Variants in CTSC observed in about 807,000 individuals in gnomAD.
The protein encoded by CTSC is dipeptidyl peptidase 1.
CTSC carries 37 observed loss-of-function variants against 40.9 expected under a neutral mutation model. The ratio of observed to expected loss-of-function variants is 0.91; its 90% CI spans 0.70 to 1.19. CTSC has a LOEUF of 1.19. Ranked by LOEUF, CTSC falls within the 50% of genes most tolerant of loss-of-function variation. CTSC has a pLI of 0.00. For synonymous variants in CTSC, 232 were observed against 207.4 expected (o/e 1.12, Z -1.02); for missense variants, 594 against 567.3 (o/e 1.05, Z -0.48).
At chr11:88,332,194 G>GT (rs1346262870) in intron 2 of CTSC, among the ~76,000 whole-genome samples, 6 of 152,198 alleles carry the variant, frequency 3.9e-5, no homozygotes, top group Non-Finnish European at 8.8e-5. Context: ...AGTAGGTTGA[G>GT]TATGTTTTCG....
intron 4 of CTSC, among the ~76,000 whole-genome samples, chr11:88,303,002 GA>G (rs924729130): frequency 2.6e-5 from 4 of 152,050 alleles, no homozygotes; most frequent in African/African-American, 9.7e-5. Flanking sequence ...TAGGGTGAGA[GA>G]AAAAACAAAG....
intron 4 of CTSC, among the ~76,000 whole-genome samples, chr11:88,303,394 C>T (rs754630608): frequency 1.8e-4 from 28 of 152,340 alleles, no homozygotes; most frequent in Non-Finnish European, 4.1e-4. Flanking sequence ...ACCTGTGCTT[C>T]TGGCCAACCA....
intron 4 of CTSC, among the ~76,000 whole-genome samples, chr11:88,302,161 G>T (rs1314247820): frequency 6.6e-6 from 1 of 152,044 alleles, no homozygotes; most frequent in Non-Finnish European, 1.5e-5. Context: ...ATTCAACTGG[G>T]CATTGTCATA....
intron 2 of CTSC, chr11:88,322,327 A>G (rs1253181479): frequency 6.6e-6 from 1 of 152,110 alleles, no homozygotes; most frequent in African/African-American, 2.4e-5. Flanking sequence ...GCCCATTCCT[A>G]TGTCCAGAAT....
At chr11:88,304,789 C>A (rs975392453) in intron 4 of CTSC, among the ~76,000 whole-genome samples, 1 of 152,158 alleles carries the variant, frequency 6.6e-6, no homozygotes, top group Non-Finnish European at 1.5e-5. Context: ...CCCACCAGCA[C>A]CATGACAGTT....
At chr11:88,312,934 AAGG>A (rs1937795733) in intron 2 of CTSC, among the ~76,000 whole-genome samples, 1 of 152,194 alleles carries the variant, frequency 6.6e-6, no homozygotes, top group Non-Finnish European at 1.5e-5. Context: ...CCAAGGACAA[AAGG>A]AGCTCAGCTC....
intron 6 of CTSC, among the ~76,000 whole-genome samples, chr11:88,295,164 T>C (rs1216089205): frequency 6.6e-6 from 1 of 152,236 alleles, no homozygotes; most frequent in East Asian, 1.9e-4. Flanking sequence ...CCCTATAGCC[T>C]ACAAGTCACA....
intron 4 of CTSC, among the ~76,000 whole-genome samples, chr11:88,305,071 C>A (rs1022079017): frequency 6.8e-6 from 1 of 147,176 alleles, no homozygotes; most frequent in Admixed American, 6.8e-5. Context: ...GCACTCCAGC[C>A]TGGACAACAC....
chr11:88,310,650 T>C (rs1937734344), intron 3 of CTSC, among the ~76,000 whole-genome samples: 1 of 152,214 alleles, frequency 6.6e-6, no homozygotes, highest in African/African-American at 2.4e-5. Context: ...TTAATGTTTT[T>C]GTCGAAGTTC....
rs868486306 is a variant in CTSC at position 88,319,958 on chromosome 11, C to T, written c.319-7404G>A. Among the ~76,000 whole-genome samples, 3 of 152,234 alleles carry T rather than the reference C, an allele frequency of 2.0e-5. No homozygotes were observed. In the East Asian group the frequency reaches 5.8e-4, roughly 29 times the overall value. On this transcript the variant is annotated intron_variant, in intron 2 of 6. Transcript: ENST00000227266. The stretch of plus-strand genomic sequence containing the variant: ...TTTGTTTACTGTAGAAATCTATATA[C>T]GTACAATTACCTCCATTTGCTGTCA...
At chr11:88,303,760 C>G (rs796322866) in intron 4 of CTSC, among the ~76,000 whole-genome samples, 11 of 152,294 alleles carry the variant, frequency 7.2e-5, no homozygotes, top group African/African-American at 2.6e-4. Flanking sequence ...AAGGCCTGTC[C>G]AGATTCTTCT....
At position 88,302,424 on chromosome 11, in the gene CTSC, C is replaced by T. The variant is rs11602365; in HGVS notation, c.642-1779G>A. Among the ~76,000 whole-genome samples the T allele has an allele frequency of 3.5e-3, 530 of 152,102 alleles. 3 individuals are homozygous for T. Among genetic ancestry groups the T allele is most frequent in the Non-Finnish European group, 5.4e-3 (364 of 67,978 alleles). ...GGATCACGAGGTCAGGAGATTGAGA[C>T]CATCCTGGCTAACACAGTGAAACCC... On this transcript the variant is annotated intron_variant, in intron 4 of 6. Coordinates refer to ENST00000227266, the MANE Select transcript of CTSC (RefSeq NM_001814.6).
At chr11:88,326,597 C>T (rs778714138) in intron 2 of CTSC, among the ~76,000 whole-genome samples, 9 of 151,292 alleles carry the variant, frequency 5.9e-5, no homozygotes, top group Non-Finnish European at 1.3e-4. Flanking sequence ...AAGACATTCA[C>T]AGGAAAGATG....
chr11:88,322,021 T>C (rs1027723722), intron 2 of CTSC: 3 of 152,232 alleles, frequency 2.0e-5, no homozygotes, highest in African/African-American at 7.2e-5. Context: ...GTTGAGCTTT[T>C]CTTCATGTTT....
At chr11:88,311,564 A>C (rs1937758251) in intron 3 of CTSC, among the ~76,000 whole-genome samples, 1 of 152,172 alleles carries the variant, frequency 6.6e-6, no homozygotes, top group South Asian at 2.1e-4. Context: ...AGTCAGTTAT[A>C]GATTTAATTT....
chr11:88,306,670 G>C (rs1464388404), intron 4 of CTSC, among the ~76,000 whole-genome samples: 1 of 152,156 alleles, frequency 6.6e-6, no homozygotes, highest in Non-Finnish European at 1.5e-5. Flanking sequence ...GTCTCGCGGA[G>C]AGCCACCTCC....
intron 2 of CTSC, 40 bp from the exon 3 acceptor site, chr11:88,312,594 G>A: frequency 3.1e-6 from 5 of 1,611,402 alleles, no homozygotes; most frequent in Non-Finnish European, 4.2e-6. Context: ...AGTAAAATCT[G>A]TCTTCAAATT....
chr11:88,322,404 C>A (rs1029226935), intron 2 of CTSC: 1 of 152,070 alleles, frequency 6.6e-6, no homozygotes, highest in Non-Finnish European at 1.5e-5. Flanking sequence ...TTTAATCCAT[C>A]GTAAGTTGAT....
At chr11:88,305,094 T>C (rs1591225356) in intron 4 of CTSC, among the ~76,000 whole-genome samples, 2 of 63,790 alleles carry the variant, frequency 3.1e-5, no homozygotes, top group East Asian at 1.1e-3. Flanking sequence ...TGAGACTCTG[T>C]CAAAAAAAAA....
Sources: gnomAD v4.1 joint callset for allele counts (sites outside exome capture counted in the v4.1 genomes callset) on GRCh38, gnomAD v4.1.1 for gene constraint, MANE v1.5 for transcripts, NCBI Gene and HGNC (gene_info 2026-07-23, HGNC 2026-07-21) for gene names.